The following CCDC60 variants were observed in gnomAD, a reference collection of about 807,000 sequenced individuals.
The protein encoded by CCDC60 is coiled-coil domain-containing protein 60.
In CCDC60, 54 loss-of-function variants were observed where a neutral mutation model predicts 63.5. The observed-to-expected ratio is 0.85, with a 90% CI of 0.68 to 1.07. The LOEUF (loss-of-function observed/expected upper bound fraction) is 1.07, where lower values mean the gene tolerates loss of function less well. CCDC60 is among the 50% of genes least tolerant of loss of function. The pLI, the probability that CCDC60 is intolerant of heterozygous loss-of-function variation, is 0.00. For missense variants in CCDC60, 651 were observed against 684.3 expected, an observed-to-expected ratio of 0.95 and a Z score of 0.54; for synonymous variants, 206 against 238.8, an observed-to-expected ratio of 0.86 and a Z score of 1.27.
chr12:119,529,280 A>T (rs1205420285), intron 12 of CCDC60, among the ~76,000 whole-genome samples: 1 of 152,160 alleles, frequency 6.6e-6, no homozygotes, highest in East Asian at 1.9e-4. Flanking sequence ...TGTCCATTTT[A>T]TCCCCCCCAA....
intron 11 of CCDC60, chr12:119,524,310 G>GGATTTGATCTTAAGAGC (rs1398870929): frequency 4.2e-6 from 1 of 236,318 alleles, no homozygotes; most frequent in Non-Finnish European, 6.9e-6. Context: ...TTATGATGCG[G>GGATTTGATCTTAAGAGC]GATTTGATCT....
intron 1 of CCDC60, among the ~76,000 whole-genome samples, chr12:119,389,266 G>A (rs760983539): frequency 5.3e-5 from 8 of 152,166 alleles, no homozygotes; most frequent in Non-Finnish European, 1.0e-4. Flanking sequence ...ACAAACTACA[G>A]TTCACCAGCC....
At chr12:119,399,997 T>A (rs1230207201) in intron 1 of CCDC60, among the ~76,000 whole-genome samples, 1 of 152,058 alleles carries the variant, frequency 6.6e-6, no homozygotes, top group Admixed American at 6.6e-5. Context: ...AAGCTAGTGA[T>A]GCTATGTGTC....
At chr12:119,523,586 C>A in intron 10 of CCDC60, 107 bp from the exon 11 acceptor site, 4 of 1,497,230 alleles carry the variant, frequency 2.7e-6, no homozygotes, top group Non-Finnish European at 3.6e-6. Context: ...TACAGGGAGT[C>A]CCCCATGCAG....
Position 119,343,425 on chromosome 12 carries a change from C to T in CCDC60, c.90+8159C>T, listed in dbSNP as rs546375640. Among the ~76,000 whole-genome samples the T allele has an allele frequency of 2.0e-5, 3 of 152,086 alleles. No homozygotes were observed. In the South Asian group the frequency reaches 6.2e-4, roughly 32 times the overall value. On this transcript the variant is annotated intron_variant, in intron 1 of 13. Transcript: ENST00000327554. ...AGCATTGTCAGGGGTTTCATAGTGG[C>T]TGTAGATCAGGGGCAGAACAGAGAG...
intron 4 of CCDC60, among the ~76,000 whole-genome samples, chr12:119,480,599 TCAC>T (rs1354089355): frequency 6.6e-6 from 1 of 151,344 alleles, no homozygotes; most frequent in Non-Finnish European, 1.5e-5. Flanking sequence ...ATCACCATCA[TCAC>T]CATCACCATC....
At chr12:119,487,485 A>G (rs1369564293) in intron 4 of CCDC60, among the ~76,000 whole-genome samples, 1 of 151,734 alleles carries the variant, frequency 6.6e-6, no homozygotes, top group Admixed American at 6.6e-5. Flanking sequence ...TTTAATAGAG[A>G]TGGGGGTTTC....
chr12:119,353,598 C>CTTTTTTTTTTTTTT (rs71072514), intron 1 of CCDC60, among the ~76,000 whole-genome samples: 5 of 68,204 alleles, frequency 7.3e-5, no homozygotes, highest in Admixed American at 2.3e-4. Context: ...TCTTCTTCTT[C>CTTTTTTTTTTTTTT]TTTTTTTTTT....
intron 12 of CCDC60, among the ~76,000 whole-genome samples, chr12:119,530,236 A>T (rs935823517): frequency 5.9e-5 from 9 of 151,530 alleles, no homozygotes; most frequent in Non-Finnish European, 8.8e-5. Flanking sequence ...AATTTTCCAC[A>T]ATGGGCACAT....
At chr12:119,514,600 T>G (rs1460332975) in intron 7 of CCDC60, among the ~76,000 whole-genome samples, 1 of 152,196 alleles carries the variant, frequency 6.6e-6, no homozygotes, top group African/African-American at 2.4e-5. Context: ...ACAATGTGTT[T>G]GTTTTATGCT....
intron 2 of CCDC60, among the ~76,000 whole-genome samples, chr12:119,440,347 G>A (rs1007590193): frequency 5.9e-5 from 9 of 152,046 alleles, no homozygotes; most frequent in Non-Finnish European, 1.0e-4. Context: ...TGCCTAACAC[G>A]GCGAAACCCA....
At chr12:119,469,663 G>A (rs1951019340) in intron 2 of CCDC60, among the ~76,000 whole-genome samples, 1 of 152,182 alleles carries the variant, frequency 6.6e-6, no homozygotes, top group East Asian at 1.9e-4. Context: ...GTGCAGTCAG[G>A]CTACCAGGAG....
chr12:119,441,324 C>T (rs1225294687), intron 2 of CCDC60, among the ~76,000 whole-genome samples: 2 of 152,152 alleles, frequency 1.3e-5, no homozygotes, highest in Non-Finnish European at 2.9e-5. Context: ...CAGGCTTGCA[C>T]GGTAAAGCAC....
chr12:119,407,953 A>C (rs1432399662), intron 1 of CCDC60, among the ~76,000 whole-genome samples: 1 of 152,224 alleles, frequency 6.6e-6, no homozygotes, highest in Non-Finnish European at 1.5e-5. Flanking sequence ...CCGTGGACAA[A>C]AAATTAAATT....
At chr12:119,521,132 G>A (rs992183837) in intron 9 of CCDC60, among the ~76,000 whole-genome samples, 3 of 152,232 alleles carry the variant, frequency 2.0e-5, no homozygotes, top group East Asian at 1.9e-4. Context: ...TAATCTATGC[G>A]TGTCTTTCAC....
At chr12:119,470,496 C>A (rs1450482101) in intron 2 of CCDC60, among the ~76,000 whole-genome samples, 3 of 152,214 alleles carry the variant, frequency 2.0e-5, no homozygotes, top group Non-Finnish European at 4.4e-5. Flanking sequence ...ATCCCGACCT[C>A]CCGCCTCCCA....
intron 2 of CCDC60, among the ~76,000 whole-genome samples, chr12:119,470,700 A>G (rs988207930): frequency 3.3e-5 from 5 of 152,162 alleles, no homozygotes; most frequent in Non-Finnish European, 7.4e-5. Flanking sequence ...CCACCTTCAA[A>G]CAGGGAAAGA....
chr12:119,512,659 C>T (rs867173903), intron 7 of CCDC60, among the ~76,000 whole-genome samples: 24 of 152,354 alleles, frequency 1.6e-4, no homozygotes, highest in Middle Eastern at 3.4e-3. Context: ...GGCCACACTG[C>T]TCTCTGTTCT....
In CCDC60 at chr12:119,507,590, ACATATATATATATATATATATATATT is replaced by A. The variant is rs1566050598; in HGVS notation, c.883+2288_883+2313del. On this transcript the variant is annotated intron_variant, in intron 7 of 13. Transcript: ENST00000327554. The stretch of plus-strand genomic sequence containing the variant: ...TATATGTATATATACACATATATAT[ACATATATATATATATATATATATATT>A]TTTTTTTTTTTTTTCTAGAAACAGG... 5.4e-3 allele frequency among the ~76,000 whole-genome samples: 137 copies of A among 25,536 alleles called. 2 individuals carry two copies. The highest frequency in any genetic ancestry group is 0.033 in the African/African-American group (107 of 3,292). 16.8% of individuals were successfully genotyped at this position (25,536 alleles called of 152,430 possible). A position where few individuals can be genotyped will look rare whatever the true frequency, so the allele number is the denominator to read the frequency against.
Sources: allele counts gnomAD v4.1 joint callset (sites outside exome capture counted in the v4.1 genomes callset), GRCh38; gene constraint gnomAD v4.1.1; transcripts MANE v1.5; gene names NCBI Gene and HGNC (gene_info 2026-07-23, HGNC 2026-07-21).